Variants in NPFFR2 observed in about 807,000 individuals in gnomAD.
NPFFR2 encodes the protein neuropeptide FF receptor 2, also known as G-protein coupled receptor 74.
NPFFR2 carries 15 observed loss-of-function variants against 13.1 expected under a neutral mutation model. The ratio of observed to expected loss-of-function variants is 1.15; its 90% CI spans 0.77 to 1.76. The LOEUF is 1.76. Ranked by LOEUF, NPFFR2 falls within the 40% of genes most tolerant of loss-of-function variation. The probability of loss-of-function intolerance (pLI) is 0.00; values close to 1 mark genes in which losing one functional copy is unlikely to be tolerated. For missense variants in NPFFR2, 572 were observed against 503.5 expected (o/e 1.14, Z -1.30); for synonymous variants, 190 against 175.7 (o/e 1.08, Z -0.65).
intron 1 of NPFFR2, among the ~76,000 whole-genome samples, chr4:72,128,226 A>G (rs994430004): frequency 4.0e-5 from 6 of 148,844 alleles, no homozygotes; most frequent in African/African-American, 1.2e-4. Flanking sequence ...CTTTAAATTA[A>G]TAAGTGAGTC....
chr4:72,087,600 A>T (rs1255655540), intron 1 of NPFFR2, among the ~76,000 whole-genome samples: 1 of 151,926 alleles, frequency 6.6e-6, no homozygotes, highest in African/African-American at 2.4e-5. Context: ...CCTGTATAGG[A>T]TGGGGAAGGA....
intron 1 of NPFFR2, among the ~76,000 whole-genome samples, chr4:72,090,629 G>T (rs1720893272): frequency 6.6e-6 from 1 of 152,012 alleles, no homozygotes; most frequent in African/African-American, 2.4e-5. Context: ...TTCTCAGCTT[G>T]GTCACTGTTG....
At chr4:72,146,271 G>A (rs2109851156) in intron 3 of NPFFR2, among the ~76,000 whole-genome samples, 1 of 152,264 alleles carries the variant, frequency 6.6e-6, no homozygotes, top group South Asian at 2.1e-4. Context: ...AAATGGCTAA[G>A]CTCTTATCTC....
intron 1 of NPFFR2, among the ~76,000 whole-genome samples, chr4:72,076,855 T>C (rs1034398560): frequency 6.6e-6 from 1 of 152,172 alleles, no homozygotes; most frequent in African/African-American, 2.4e-5. Flanking sequence ...TGTAATGTGA[T>C]CATGAAAAGT....
chr4:72,072,768 A>G (rs1203650859), intron 1 of NPFFR2, among the ~76,000 whole-genome samples: 1 of 152,168 alleles, frequency 6.6e-6, no homozygotes, highest in Non-Finnish European at 1.5e-5. Context: ...AGTGAGATAC[A>G]TTATGATCAA....
intron 1 of NPFFR2, among the ~76,000 whole-genome samples, chr4:72,052,199 G>C (rs1437721857): frequency 1.0e-4 from 7 of 67,262 alleles, no homozygotes; most frequent in Admixed American, 3.5e-4. Flanking sequence ...CCAAAAAAGA[G>C]AATTTTAGAC....
At chr4:72,136,764 T>C (rs933919874) in intron 2 of NPFFR2, among the ~76,000 whole-genome samples, 3 of 152,190 alleles carry the variant, frequency 2.0e-5, no homozygotes, top group East Asian at 1.9e-4. Context: ...AGAGTACTTA[T>C]GGTTCTGCCT....
At chr4:72,094,398 GT>G (rs1388455486) in intron 1 of NPFFR2, among the ~76,000 whole-genome samples, 1 of 152,186 alleles carries the variant, frequency 6.6e-6, no homozygotes, top group Non-Finnish European at 1.5e-5. Flanking sequence ...CAGGCGGTGT[GT>G]GGGGCCATGG....
At chr4:72,114,165 C>CA (rs1721646557) in intron 1 of NPFFR2, among the ~76,000 whole-genome samples, 1 of 151,864 alleles carries the variant, frequency 6.6e-6, no homozygotes, top group Non-Finnish European at 1.5e-5. Flanking sequence ...CCTTCCTGTT[C>CA]AAAAAAGTGT....
intron 1 of NPFFR2, among the ~76,000 whole-genome samples, chr4:72,073,272 T>C (rs1053671167): frequency 2.6e-4 from 40 of 152,068 alleles, no homozygotes; most frequent in African/African-American, 9.4e-4. Flanking sequence ...GATGTAATTA[T>C]TACATATTGC....
intron 1 of NPFFR2, among the ~76,000 whole-genome samples, chr4:72,060,793 T>C (rs981716148): frequency 6.6e-6 from 1 of 152,038 alleles, no homozygotes; most frequent in Non-Finnish European, 1.5e-5. Flanking sequence ...TCTACTAAAG[T>C]CCCCATTTAG....
chr4:72,113,838 C>T (rs1343872269), intron 1 of NPFFR2, among the ~76,000 whole-genome samples: 1 of 152,028 alleles, frequency 6.6e-6, no homozygotes, highest in East Asian at 1.9e-4. Flanking sequence ...TGGAGTTTTG[C>T]TTGGTTGACT....
chr4:72,130,797 G>A (rs924927169), intron 2 of NPFFR2, among the ~76,000 whole-genome samples: 3 of 152,230 alleles, frequency 2.0e-5, no homozygotes, highest in Non-Finnish European at 4.4e-5. Context: ...AGACAGCTAA[G>A]TGTTAACCAG....
At chr4:72,060,349 G>A (rs1719885663) in intron 1 of NPFFR2, among the ~76,000 whole-genome samples, 1 of 151,902 alleles carries the variant, frequency 6.6e-6, no homozygotes, top group Admixed American at 6.6e-5. Flanking sequence ...TGTAATCAAG[G>A]AACCTCTTTC....
intron 1 of NPFFR2, among the ~76,000 whole-genome samples, chr4:72,114,979 T>G (rs534681951): frequency 6.6e-6 from 1 of 152,306 alleles, no homozygotes; most frequent in Non-Finnish European, 1.5e-5. Flanking sequence ...CCCAGAGGAT[T>G]AAGTGAATTA....
chr4:72,147,925 C>T lies in NPFFR2; in HGVS notation c.*113C>T. 1.2e-6 allele frequency: 1 copy of T among 807,236 alleles called. No individual in the cohort carries two copies. Among genetic ancestry groups the T allele is most frequent in the Non-Finnish European group, 1.8e-6 (1 of 551,798 alleles). 50.0% of individuals were successfully genotyped at this position (807,236 alleles called of 1,614,324 possible). On this transcript the variant is annotated 3_prime_UTR_variant, in exon 4 of 4. Transcript: ENST00000308744. ...AAGAATGTTCTAAATAAAACATTTACTGAAAGCCCTCTCTGGCAAAAAAAT... is the reference window on the plus strand; with the variant it reads ...AAGAATGTTCTAAATAAAACATTTATTGAAAGCCCTCTCTGGCAAAAAAAT...
At chr4:72,126,812 G>A (rs1722054989) in intron 1 of NPFFR2, among the ~76,000 whole-genome samples, 1 of 152,138 alleles carries the variant, frequency 6.6e-6, no homozygotes, top group Admixed American at 6.5e-5. Flanking sequence ...TGTTCTATGT[G>A]AGTCCACTGA....
intron 1 of NPFFR2, among the ~76,000 whole-genome samples, chr4:72,092,672 G>A (rs1578449757): frequency 1.3e-5 from 2 of 150,740 alleles, no homozygotes; most frequent in Non-Finnish European, 3.0e-5. Flanking sequence ...GCTCATTTTG[G>A]TGTTCATTTA....
intron 1 of NPFFR2, among the ~76,000 whole-genome samples, chr4:72,048,846 C>G (rs963142489): frequency 1.3e-5 from 2 of 151,782 alleles, no homozygotes; most frequent in African/African-American, 4.8e-5. Context: ...TTTCACAGAT[C>G]ATATTAAAAT....
Sources: gnomAD v4.1 joint callset for allele counts (sites outside exome capture counted in the v4.1 genomes callset) on GRCh38, gnomAD v4.1.1 for gene constraint, MANE v1.5 for transcripts, NCBI Gene and HGNC (gene_info 2026-07-23, HGNC 2026-07-21) for gene names.